Variants in ANKDD1A observed in about 807,000 individuals in gnomAD.
ANKDD1A encodes the protein ankyrin repeat and death domain containing 1A, also known as ankyrin repeat and death domain-containing protein 1A.
Under a neutral mutation model 63.5 loss-of-function variants are expected in ANKDD1A, and 59 were observed. That is an observed-to-expected ratio of 0.93 (90% CI 0.75 to 1.15). ANKDD1A has a LOEUF of 1.15. Ranked by LOEUF, ANKDD1A falls within the 50% of genes most tolerant of loss-of-function variation. The probability of loss-of-function intolerance (pLI) is 0.00; values close to 1 mark genes in which losing one functional copy is unlikely to be tolerated. For missense variants in ANKDD1A, 632 were observed against 656.4 expected, an observed-to-expected ratio of 0.96 and a Z score of 0.41; for synonymous variants, 266 against 263.9, an observed-to-expected ratio of 1.01 and a Z score of -0.08.
intron 13 of ANKDD1A, among the ~76,000 whole-genome samples, chr15:64,948,154 T>G (rs141829702): frequency 4.6e-5 from 7 of 152,110 alleles, no homozygotes; most frequent in South Asian, 2.1e-4. Context: ...GCAAAAAATA[T>G]AGAGAGAGAA....
intron 13 of ANKDD1A, among the ~76,000 whole-genome samples, chr15:64,948,573 T>G (rs1433375501): frequency 6.6e-6 from 1 of 152,060 alleles, no homozygotes. Context: ...ACCTGTAATC[T>G]CAGCACTTTG....
chr15:64,915,091 G>C (rs548712192), intron 1 of ANKDD1A, among the ~76,000 whole-genome samples: 2 of 152,320 alleles, frequency 1.3e-5, no homozygotes, highest in East Asian at 3.9e-4. Context: ...GATCACTTGA[G>C]GTCAGGAGTT....
At chr15:64,933,659 T>A (rs1055984806) in intron 8 of ANKDD1A, among the ~76,000 whole-genome samples, 3 of 152,148 alleles carry the variant, frequency 2.0e-5, no homozygotes, top group Admixed American at 2.0e-4. Flanking sequence ...CTGGCCAACA[T>A]GGTGAAACCC....
intron 14 of ANKDD1A, among the ~76,000 whole-genome samples, chr15:64,952,396 C>A (rs907957349): frequency 5.2e-5 from 4 of 76,362 alleles, no homozygotes; most frequent in African/African-American, 2.1e-4. Context: ...TTTTCTTCTT[C>A]CTCCTTCTTC....
chr15:64,946,931 T>C (rs2085227652), intron 12 of ANKDD1A, among the ~76,000 whole-genome samples: 1 of 152,204 alleles, frequency 6.6e-6, no homozygotes, highest in Non-Finnish European at 1.5e-5. Flanking sequence ...TCTAATTTCA[T>C]TGCCTGCTTT....
chr15:64,912,869 C>T (rs1233714223), intron 1 of ANKDD1A, among the ~76,000 whole-genome samples: 1 of 152,176 alleles, frequency 6.6e-6, no homozygotes, highest in East Asian at 1.9e-4. Flanking sequence ...ATGGTTCTGC[C>T]TGGGGCGGAG....
rs771786206 is a variant in ANKDD1A, at chr15:64,934,183, TGTGTCTCG to T, written c.818_825del (p.Val273GlyfsTer13). 2.0e-5 allele frequency: 32 copies of T among 1,612,336 alleles called. No individual in the cohort carries two copies. The highest frequency in any genetic ancestry group is 2.7e-5 in the Non-Finnish European group (32 of 1,179,250). On this transcript the variant is annotated frameshift_variant, in exon 9 of 15. Coordinates refer to ENST00000319580, the MANE Select transcript of ANKDD1A (RefSeq NM_182703.6). LOFTEE classifies it high-confidence loss of function. ...ATGCAGCCCTCAGTGGCTCGGAGGA[TGTGTCTCG>T]GGTCCTCATCCACGCAGGAGGCTGC...
chr15:64,924,179 T>C (rs1230855413), intron 4 of ANKDD1A, among the ~76,000 whole-genome samples: 1 of 152,076 alleles, frequency 6.6e-6, no homozygotes, highest in Non-Finnish European at 1.5e-5. Flanking sequence ...GCAGGAAGGG[T>C]TGGAATGTCT....
chr15:64,938,202 C>G (rs1168606463), intron 9 of ANKDD1A, among the ~76,000 whole-genome samples: 4 of 152,178 alleles, frequency 2.6e-5, no homozygotes, highest in Non-Finnish European at 5.9e-5. Context: ...ATATCATGCT[C>G]TCAAGGAGGT....
At chr15:64,931,024 G>A in intron 7 of ANKDD1A, 104 bp downstream of exon 7, 1 of 1,242,042 alleles carries the variant, frequency 8.1e-7, no homozygotes, top group East Asian at 2.4e-5. Context: ...AGAAGGCTGA[G>A]GGCATGATCT....
chr15:64,949,609 G>A (rs2140383762), intron 13 of ANKDD1A, among the ~76,000 whole-genome samples: 1 of 152,296 alleles, frequency 6.6e-6, no homozygotes, highest in African/African-American at 2.4e-5. Context: ...GGAGGTTCTA[G>A]AGACCAAGAC....
rs753589545 is a variant in ANKDD1A, at chr15:64,913,512, G to A, written c.34+1548G>A. On this transcript the variant is annotated intron_variant, in intron 1 of 14. Coordinates refer to ENST00000319580, the MANE Select transcript of ANKDD1A (RefSeq NM_182703.6). ...TGATATTAACCTTGTAGGGAAGCTC[G>A]CACTCCTGTTTTGCAGATGAGGAAA... Among the ~76,000 whole-genome samples, 5 of 152,008 alleles carry A rather than the reference G, an allele frequency of 3.3e-5. No individual in the cohort carries two copies. In the East Asian group the frequency reaches 9.6e-4, roughly 29 times the overall value.
chr15:64,953,140 CT>C (rs2085331530), intron 14 of ANKDD1A, among the ~76,000 whole-genome samples: 41 of 41,320 alleles, frequency 9.9e-4, no homozygotes, highest in Non-Finnish European at 2.2e-3. Flanking sequence ...TTCCTTTTTT[CT>C]TCCTTTTTCT....
At chr15:64,930,572 G>T (rs1248653941) in intron 6 of ANKDD1A, among the ~76,000 whole-genome samples, 1 of 152,222 alleles carries the variant, frequency 6.6e-6, no homozygotes, top group Non-Finnish European at 1.5e-5. Flanking sequence ...CATGAGGAGG[G>T]ACCGGCTTCA....
intron 14 of ANKDD1A, chr15:64,951,348 CTCT>C (rs1289197406): frequency 3.2e-5 from 18 of 568,322 alleles, no homozygotes; most frequent in Non-Finnish European, 3.7e-5. Flanking sequence ...TTCTTCTTTC[CTCT>C]TCTTTCTTCT....
At chr15:64,954,045 C>A (rs2085371574) in intron 14 of ANKDD1A, among the ~76,000 whole-genome samples, 1 of 81,600 alleles carries the variant, frequency 1.2e-5, no homozygotes, top group African/African-American at 4.6e-5. Flanking sequence ...TCTTCCTCTT[C>A]TTCTTTTCTC....
chr15:64,912,086 G>T (rs11071820), intron 1 of ANKDD1A, 122 bp downstream of exon 1: 377,228 of 1,000,764 alleles, frequency 0.38, 73,644 homozygotes, highest in Non-Finnish European at 0.4. Flanking sequence ...TGGGGCGTCT[G>T]TGTGGCTCCG....
intron 4 of ANKDD1A, among the ~76,000 whole-genome samples, chr15:64,925,227 C>CAAA (rs769786433): frequency 0.016 from 589 of 37,820 alleles, no homozygotes; most frequent in Non-Finnish European, 0.023. Context: ...GACTCCGACT[C>CAAA]AAAAAAAAAA....
chr15:64,930,414 G>A (rs1489350570), intron 6 of ANKDD1A, among the ~76,000 whole-genome samples: 1 of 152,130 alleles, frequency 6.6e-6, no homozygotes, highest in Non-Finnish European at 1.5e-5. Flanking sequence ...TGTGGCCCGG[G>A]CAGGCCATGC....
Sources: allele counts gnomAD v4.1 joint callset (sites outside exome capture counted in the v4.1 genomes callset), GRCh38; gene constraint gnomAD v4.1.1; transcripts MANE v1.5; gene names NCBI Gene and HGNC (gene_info 2026-07-23, HGNC 2026-07-21).